Variants in ARSJ observed in about 807,000 individuals in gnomAD.
ARSJ encodes arylsulfatase family member J, also known as arylsulfatase J.
ARSJ carries 26 observed loss-of-function variants against 35.9 expected under a neutral mutation model. That is an observed-to-expected ratio of 0.72 (90% CI 0.53 to 1.00). The LOEUF (loss-of-function observed/expected upper bound fraction) is 1.00. ARSJ is among the 50% of genes least tolerant of loss of function. The pLI, the probability that ARSJ is intolerant of heterozygous loss-of-function variation, is 0.00. For synonymous variants in ARSJ, 294 were observed against 267.6 expected (o/e 1.10, Z -0.96); for missense variants, 667 against 723.6 (o/e 0.92, Z 0.90).
At chr4:113,904,605 C>T (rs1260322259) in intron 1 of ARSJ, among the ~76,000 whole-genome samples, 2 of 152,216 alleles carry the variant, frequency 1.3e-5, no homozygotes, top group Non-Finnish European at 2.9e-5. Context: ...CTGCCTCACC[C>T]TCCGGAGTAG....
chr4:113,916,230 A>G (rs1269639657), intron 1 of ARSJ, among the ~76,000 whole-genome samples: 1 of 152,196 alleles, frequency 6.6e-6, no homozygotes, highest in Non-Finnish European at 1.5e-5. Flanking sequence ...GTATTGTGGA[A>G]ACAATCCGGC....
chr4:113,940,847 T>C (rs1216138164), intron 1 of ARSJ, among the ~76,000 whole-genome samples: 3 of 151,966 alleles, frequency 2.0e-5, no homozygotes, highest in African/African-American at 7.2e-5. Context: ...ACAGGCAACA[T>C]GCATACTTGT....
rs181780816 is a variant in ARSJ at position 113,914,400 on chromosome 4, C to T, written c.399-10725G>A. ...AAGAAGTTTAACATTTTCTTTGTAC[C>T]TTTGACTTTCAAGAAAGAAAAATTA... is the stretch of plus-strand genomic sequence containing the variant. On this transcript the variant is annotated intron_variant, in intron 1 of 1. Transcript: ENST00000315366. Among the ~76,000 whole-genome samples the T allele has an allele frequency of 1.2e-3, 189 of 152,164 alleles. 2 individuals carry two copies. Among genetic ancestry groups the T allele is most frequent in the African/African-American group, 4.3e-3 (178 of 41,532 alleles).
At chr4:113,916,359 A>G (rs1344235262) in intron 1 of ARSJ, among the ~76,000 whole-genome samples, 1 of 152,154 alleles carries the variant, frequency 6.6e-6, no homozygotes, top group African/African-American at 2.4e-5. Context: ...CAGTCTTTTC[A>G]TTTATAAAGG....
chr4:113,907,403 G>A (rs1266169851), intron 1 of ARSJ, among the ~76,000 whole-genome samples: 2 of 152,094 alleles, frequency 1.3e-5, no homozygotes, highest in Non-Finnish European at 2.9e-5. Context: ...GAATGATTTA[G>A]CATTTGAAAG....
At chr4:113,952,390 C>A (rs531457664) in intron 1 of ARSJ, among the ~76,000 whole-genome samples, 1 of 152,144 alleles carries the variant, frequency 6.6e-6, no homozygotes, top group African/African-American at 2.4e-5. Flanking sequence ...TTTCTAAAAT[C>A]CAGACTTCTC....
chr4:113,959,994 T>C (rs1156421157), intron 1 of ARSJ, among the ~76,000 whole-genome samples: 2 of 152,084 alleles, frequency 1.3e-5, no homozygotes, highest in African/African-American at 4.8e-5. Context: ...ATTGCTTCTC[T>C]CTTGAATTAT....
chr4:113,962,931 T>C (rs565290991), intron 1 of ARSJ, among the ~76,000 whole-genome samples: 2 of 152,146 alleles, frequency 1.3e-5, no homozygotes, highest in East Asian at 1.9e-4. Flanking sequence ...ACTAGCTTAG[T>C]GGGGCTGTCC....
At chr4:113,912,015 A>G (rs1722941305) in intron 1 of ARSJ, among the ~76,000 whole-genome samples, 1 of 152,206 alleles carries the variant, frequency 6.6e-6, no homozygotes, top group Admixed American at 6.6e-5. Context: ...ACCTGCATTA[A>G]AGTTAAGATG....
Position 113,903,426 on chromosome 4 carries a change from C to G in ARSJ, c.648G>C (p.Gly216=). 1 of 1,614,176 alleles carries G rather than the reference C, an allele frequency of 6.2e-7. No homozygotes were observed. Among genetic ancestry groups the G allele is most frequent in the Non-Finnish European group, 8.5e-7 (1 of 1,180,016 alleles). The change falls in exon 2 of 2, where the codon GGG becomes GGC. Residue 216 remains glycine, a synonymous_variant. Transcript: ENST00000315366. ...YYTHYKCDSP[G]MCGYDLYEND... ...TTTCATACAAGTCATAGCCACACAT[C>G]CCAGGACTGTCACATTTGTAGTGTG...
intron 1 of ARSJ, among the ~76,000 whole-genome samples, chr4:113,958,628 T>TA (rs1197253297): frequency 6.6e-6 from 1 of 152,040 alleles, no homozygotes; most frequent in Admixed American, 6.6e-5. Flanking sequence ...CTTTAGCCGA[T>TA]ACATATATAC....
At chr4:113,960,607 G>A (rs934068987) in intron 1 of ARSJ, among the ~76,000 whole-genome samples, 18 of 152,034 alleles carry the variant, frequency 1.2e-4, no homozygotes, top group Admixed American at 1.1e-3. Flanking sequence ...TAAAAGATGT[G>A]TTTAATAGAT....
chr4:113,931,301 C>A (rs895829109), intron 1 of ARSJ, among the ~76,000 whole-genome samples: 5 of 152,024 alleles, frequency 3.3e-5, no homozygotes, highest in African/African-American at 4.8e-5. Context: ...ATAGAATATT[C>A]TTCTTCATTA....
intron 1 of ARSJ, among the ~76,000 whole-genome samples, chr4:113,949,791 A>G (rs1725740752): frequency 6.6e-6 from 1 of 152,104 alleles, no homozygotes; most frequent in South Asian, 2.1e-4. Context: ...AAGAGTGAAA[A>G]CTGATGATCT....
Position 113,970,164 on chromosome 4 carries a change from T to C in ARSJ, c.398+8273A>G, listed in dbSNP as rs75776462. 0.013 allele frequency among the ~76,000 whole-genome samples: 2,053 copies of C among 152,222 alleles called. 115 individuals are homozygous for C. The East Asian group carries it at 0.16, about 12-fold the overall frequency. On this transcript the variant is annotated intron_variant, in intron 1 of 1. Transcript: ENST00000315366. Reference sequence around the variant, plus strand: ...GAATGAGCCAAAGAAGAGAGGAAATTGAGATGTTCTTGAGAAACTGTGAAT... The same window carrying C: ...GAATGAGCCAAAGAAGAGAGGAAATCGAGATGTTCTTGAGAAACTGTGAAT...
At chr4:113,904,510 A>G (rs891997521) in intron 1 of ARSJ, among the ~76,000 whole-genome samples, 11 of 152,058 alleles carry the variant, frequency 7.2e-5, no homozygotes, top group Non-Finnish European at 1.5e-4. Context: ...TTTGAGACGG[A>G]GTCTCGCTCT....
At chr4:113,978,240 C>T (rs537851805) in intron 1 of ARSJ, among the ~76,000 whole-genome samples, 197 bp downstream of exon 1, 33 of 152,314 alleles carry the variant, frequency 2.2e-4, no homozygotes, top group Non-Finnish European at 3.7e-4. Flanking sequence ...CTAGACTACA[C>T]TAGTGACTAG....
At chr4:113,963,999 T>C (rs2374219) in intron 1 of ARSJ, among the ~76,000 whole-genome samples, 51,766 of 151,804 alleles carry the variant, frequency 0.34, 9,139 homozygotes, top group East Asian at 0.49. Context: ...TTTATTATTT[T>C]GACATCTGGA....
chr4:113,911,920 C>T (rs1222425781), intron 1 of ARSJ, among the ~76,000 whole-genome samples: 1 of 152,112 alleles, frequency 6.6e-6, no homozygotes, highest in Non-Finnish European at 1.5e-5. Context: ...TTATATCATG[C>T]TGTATACCTT....
Sources: gnomAD v4.1 joint callset for allele counts (sites outside exome capture counted in the v4.1 genomes callset) on GRCh38, gnomAD v4.1.1 for gene constraint, MANE v1.5 for transcripts, NCBI Gene and HGNC (gene_info 2026-07-23, HGNC 2026-07-21) for gene names.